The following NEB variants were observed in gnomAD, a reference collection of about 807,000 sequenced individuals.
The protein encoded by NEB is nemaline myopathy type 2.
Under a neutral mutation model 952.2 loss-of-function variants are expected in NEB, and 512 were observed. The ratio of observed to expected loss-of-function variants is 0.54; its 90% CI spans 0.50 to 0.58. The LOEUF is 0.58. Ranked by LOEUF, NEB falls within the 20% of genes least tolerant of loss-of-function variation. The pLI, the probability that NEB is intolerant of heterozygous loss-of-function variation, is 0.00. For synonymous variants in NEB, 2,900 were observed against 3,149.8 expected, an observed-to-expected ratio of 0.92 and a Z score of 2.66; for missense variants, 8,428 against 9,231.1, an observed-to-expected ratio of 0.91 and a Z score of 3.56.
At chr2:151,491,037 CTTT>C (rs35824119) in intron 179 of NEB, among the ~76,000 whole-genome samples, 17 of 138,030 alleles carry the variant, frequency 1.2e-4, no homozygotes, top group Admixed American at 2.2e-4. Context: ...ACATAATATC[CTTT>C]TTTTTTTTTT....
chr2:151,564,241 A>G (rs559445859), intron 117 of NEB, among the ~76,000 whole-genome samples: 3 of 151,828 alleles, frequency 2.0e-5, no homozygotes, highest in Non-Finnish European at 2.9e-5. Context: ...TGCAAACTCT[A>G]CCTCCTGGGT....
chr2:151,660,470 T>C (rs2099134684), intron 46 of NEB, among the ~76,000 whole-genome samples: 1 of 152,224 alleles, frequency 6.6e-6, no homozygotes, highest in Non-Finnish European at 1.5e-5. Flanking sequence ...CATTAAAAGT[T>C]TGCTTTAACA....
chr2:151,534,944 A>G (rs969179579), intron 142 of NEB, among the ~76,000 whole-genome samples: 1 of 152,266 alleles, frequency 6.6e-6, no homozygotes, highest in Non-Finnish European at 1.5e-5. Flanking sequence ...ACCATTGGCT[A>G]TATTTTCATT....
chr2:151,561,390 C>G (rs2096033454), intron 121 of NEB, 78 bp from the exon 122 acceptor site: 2 of 952,642 alleles, frequency 2.1e-6, no homozygotes, highest in Non-Finnish European at 3.2e-6. Context: ...TGCCAACTTA[C>G]ATGTGCCTTT....
At chr2:151,611,337 T>C (rs887071561) in intron 78 of NEB, among the ~76,000 whole-genome samples, 1 of 152,218 alleles carries the variant, frequency 6.6e-6, no homozygotes, top group Non-Finnish European at 1.5e-5. Context: ...TTTTTGAAGA[T>C]GATCCATAAC....
At position 151,609,891 on chromosome 2, in the gene NEB, C is replaced by T. The variant is rs376019368; in HGVS notation, c.12248G>A (p.Arg4083His). The change falls in exon 81 of 182, where the codon CGC becomes CAC. Residue 4083 changes from arginine (R) to histidine (H), a missense_variant. By Grantham distance (29) the Arg-to-His change is conservative. Around this residue, in one of 11 missense-constraint regions of NEB, gnomAD observed 337 missense variants for 297.5 expected, o/e 1.13. Transcript: ENST00000397345. ...CQTLVTDIDY[R>H]NYLHEWTCMP... ...GCATGTCCATTCATGCAGGTAATTGCGATAATCAATGTCAGTGACCAAAGT... is the reference window on the plus strand; with the variant it reads ...GCATGTCCATTCATGCAGGTAATTGTGATAATCAATGTCAGTGACCAAAGT... 34 of 1,613,378 alleles carry T rather than the reference C, an allele frequency of 2.1e-5. No homozygotes were observed. Among genetic ancestry groups the T allele is most frequent in the Non-Finnish European group, 2.5e-5 (29 of 1,179,570 alleles).
chr2:151,519,152 CG>C (rs2080203265), intron 154 of NEB, 83 bp from the exon 155 acceptor site: 3 of 889,306 alleles, frequency 3.4e-6, no homozygotes, highest in African/African-American at 1.6e-5. Context: ...GATAGCCCAT[CG>C]TCAAACAAAT....
intron 13 of NEB, among the ~76,000 whole-genome samples, chr2:151,698,653 T>G (rs1021449560): frequency 6.7e-6 from 1 of 149,446 alleles, no homozygotes; most frequent in Non-Finnish European, 1.5e-5. Flanking sequence ...TTTTTTTTTT[T>G]TTGAGATGGA....
chr2:151,727,781 C>T lies in NEB; in HGVS notation c.204G>A (p.Arg68=). Reference sequence around the variant, plus strand: ...CCACTTTCTTCCGGATGACCTTCCTCCTCTCCACCGGCTTTGCTGATGCTG... The same window carrying T: ...CCACTTTCTTCCGGATGACCTTCCTTCTCTCCACCGGCTTTGCTGATGCTG... ...AQPASAKPVE[R]RKVIRKKVDP... is the part of the protein sequence containing the mutation. Residue 68 remains arginine (R), a synonymous_variant, in exon 5 of 182, where the codon AGG becomes AGA. Transcript: ENST00000397345. The T allele has an allele frequency of 1.9e-6, 3 of 1,613,660 alleles. No individual in the cohort carries two copies. The highest frequency in any genetic ancestry group is 2.5e-6 in the Non-Finnish European group (3 of 1,179,744).
intron 37 of NEB, among the ~76,000 whole-genome samples, chr2:151,671,623 G>T (rs2099294568): frequency 6.6e-6 from 1 of 152,108 alleles, no homozygotes; most frequent in African/African-American, 2.4e-5. Flanking sequence ...GGGAATCCAG[G>T]TCACTATGGG....
At chr2:151,536,800 G>C (rs892081917) in intron 141 of NEB, among the ~76,000 whole-genome samples, 2 of 152,146 alleles carry the variant, frequency 1.3e-5, no homozygotes, top group East Asian at 3.8e-4. Flanking sequence ...TACATTATTT[G>C]TGGATTAAAA....
rs140535618 is a variant in NEB, at chr2:151,631,052, C to T, written c.9618+91G>A. On this transcript the variant is annotated intron_variant, in intron 66 of 181. Transcript: ENST00000397345. ...TTTAAAAGGTAAAAATGCGACCCCACGCCTTCATAGATAATTTAGACTCCA... is the reference window on the plus strand; with the variant it reads ...TTTAAAAGGTAAAAATGCGACCCCATGCCTTCATAGATAATTTAGACTCCA... 1.6e-3 allele frequency: 2,399 copies of T among 1,510,058 alleles called. 50 individuals carry two copies. The South Asian group carries it at 0.026, about 16-fold the overall frequency. The allele number at this position is 1,510,058 out of a possible 1,614,324, so 93.5% of individuals were successfully genotyped here.
chr2:151,490,598 G>A (rs1302288461), intron 179 of NEB, 80 bp from the exon 180 acceptor site: 1 of 1,491,122 alleles, frequency 6.7e-7, no homozygotes, highest in Middle Eastern at 1.7e-4. Flanking sequence ...TTGAATCTCA[G>A]TTATTGTTAT....
intron 12 of NEB, among the ~76,000 whole-genome samples, chr2:151,708,675 C>T (rs2099734466): frequency 6.6e-6 from 1 of 152,200 alleles, no homozygotes; most frequent in Non-Finnish European, 1.5e-5. Context: ...ACTTCAGGCT[C>T]ATGTAGTCGA....
In NEB at chr2:151,496,968, G is replaced by A; in HGVS notation, c.24366C>T (p.Val8122=). Residue 8122 remains valine, a synonymous_variant, in exon 172 of 182, where the codon GTC becomes GTT. Transcript: ENST00000397345. ...AGCTAATATTTTCTTGATTGTGTTTGACTCTCTCCATCTCAGGAGTGACAG... is the reference window on the plus strand; with the variant it reads ...AGCTAATATTTTCTTGATTGTGTTTAACTCTCTCCATCTCAGGAGTGACAG... The part of the protein sequence containing the change: ...PLPVTPEMER[V]KHNQENISSV... 1 of 1,579,856 alleles carries A rather than the reference G, an allele frequency of 6.3e-7. No individual in the cohort carries two copies.
At chr2:151,523,287 AAAT>A (rs1161219861) in intron 153 of NEB, among the ~76,000 whole-genome samples, 7 of 152,206 alleles carry the variant, frequency 4.6e-5, no homozygotes, top group Admixed American at 2.6e-4. Context: ...AACTTTTAAA[AAAT>A]AATATTTGCT....
In NEB at chr2:151,579,373, T is replaced by C. The variant is rs113439353; in HGVS notation, c.16669A>G (p.Ile5557Val). Residue 5557 changes from isoleucine to valine, a missense_variant, in exon 105 of 182, where the codon ATC (isoleucine) becomes GTC (valine). Physicochemically the swap from Ile to Val is conservative, Grantham distance 29. Transcript: ENST00000397345. Reference protein sequence around the residue: ...WSCFPDQNDVIQARKAYDLQS... With the variant: ...WSCFPDQNDVVQARKAYDLQS... ...AGGTCGTAGGCTTTCCTGGCTTGGATCACATCATTCTGGTCGGGAAAGCAA... is the reference window on the plus strand; with the variant it reads ...AGGTCGTAGGCTTTCCTGGCTTGGACCACATCATTCTGGTCGGGAAAGCAA... 0.014 allele frequency: 20,881 copies of C among 1,529,888 alleles called. 1,745 individuals are homozygous for C. Among genetic ancestry groups the C allele is most frequent in the Non-Finnish European group, 0.017 (18,708 of 1,132,938 alleles). The allele number at this position is 1,529,888 out of a possible 1,614,324, so 94.8% of individuals were successfully genotyped here.
chr2:151,727,903 T>C lies in NEB; in HGVS notation c.82A>G (p.Ile28Val). The C allele has an allele frequency of 6.2e-7, 1 of 1,612,330 alleles. No individual in the cohort carries two copies. Among genetic ancestry groups the C allele is most frequent in the Non-Finnish European group, 8.5e-7 (1 of 1,179,018 alleles). Reference sequence around the variant, plus strand: ...GTCGTAGTCTCATAAATTTTTGTTATTGTCTGAAAATTTGATATGCAGTTC... The same window carrying C: ...GTCGTAGTCTCATAAATTTTTGTTACTGTCTGAAAATTTGATATGCAGTTC... The part of the protein sequence containing the change: ...VVYEEVPGET[I>V]TKIYETTTTR... Residue 28 changes from isoleucine to valine, a missense_variant, in exon 5 of 182, where the codon ATA becomes GTA. Physicochemically the swap from Ile to Val is conservative, Grantham distance 29 (BLOSUM62 3). Coordinates refer to ENST00000397345, the MANE Select transcript of NEB (RefSeq NM_001164508.2).
intron 138 of NEB, among the ~76,000 whole-genome samples, chr2:151,538,831 C>T (rs756284738): frequency 5.3e-5 from 8 of 152,172 alleles, no homozygotes; most frequent in Non-Finnish European, 1.2e-4. Flanking sequence ...CTGATTCTAA[C>T]CTGAGAATAT....
Sources: allele counts gnomAD v4.1 joint callset (sites outside exome capture counted in the v4.1 genomes callset), GRCh38; gene constraint gnomAD v4.1.1; regional missense constraint gnomAD v4.1.1; transcripts MANE v1.5; gene names NCBI Gene and HGNC (gene_info 2026-07-23, HGNC 2026-07-21).